AEBP2: variants seen among roughly 807,000 people sequenced by gnomAD.
AEBP2 encodes zinc finger protein AEBP2.
AEBP2 carries 10 observed loss-of-function variants against 50.8 expected under a neutral mutation model. The observed-to-expected ratio is 0.20, with a 90% CI of 0.12 to 0.33. The LOEUF is 0.33. Among genes scored for constraint, AEBP2 ranks in the 10% least tolerant of loss-of-function variants. The probability of loss-of-function intolerance (pLI) is 1.00; values close to 1 mark genes in which losing one functional copy is unlikely to be tolerated. For synonymous variants in AEBP2, 296 were observed against 261.3 expected, an observed-to-expected ratio of 1.13 and a Z score of -1.28; for missense variants, 570 against 688.0, an observed-to-expected ratio of 0.83 and a Z score of 1.92.
At chr12:19,440,521 T>TCGCCGC (rs947942618) in intron 1 of AEBP2, 151 bp downstream of exon 1, 2 of 1,381,308 alleles carry the variant, frequency 1.4e-6, no homozygotes, top group African/African-American at 1.5e-5. Flanking sequence ...TCTCTCGCCG[T>TCGCCGC]CGCCGCCGCG....
chr12:19,460,216 C>G (rs1948347908), intron 1 of AEBP2, among the ~76,000 whole-genome samples: 1 of 152,064 alleles, frequency 6.6e-6, no homozygotes, highest in Non-Finnish European at 1.5e-5. Context: ...TCTTAACATC[C>G]CCCCACCCCT....
At chr12:19,515,691 T>A (rs946299731) in intron 7 of AEBP2, among the ~76,000 whole-genome samples, 1 of 152,232 alleles carries the variant, frequency 6.6e-6, no homozygotes, top group African/African-American at 2.4e-5. Flanking sequence ...ACGATGCACC[T>A]TTTTGGAGTG....
chr12:19,507,250 T>C (rs886284931), intron 5 of AEBP2, among the ~76,000 whole-genome samples: 1 of 152,182 alleles, frequency 6.6e-6, no homozygotes, highest in African/African-American at 2.4e-5. Context: ...AATGGTGGTC[T>C]AGTAATGAGC....
chr12:19,515,634 T>C (rs1949306616), intron 7 of AEBP2, among the ~76,000 whole-genome samples: 1 of 152,210 alleles, frequency 6.6e-6, no homozygotes, highest in African/African-American at 2.4e-5. Flanking sequence ...ATCATAAAGA[T>C]AGCAAATTTT....
chr12:19,471,985 A>G (rs755877902), intron 2 of AEBP2, among the ~76,000 whole-genome samples: 8 of 152,212 alleles, frequency 5.3e-5, no homozygotes, highest in Non-Finnish European at 1.0e-4. Flanking sequence ...CCTTTATCTC[A>G]TACTTAAAGA....
At chr12:19,478,883 C>T (rs12816342) in intron 3 of AEBP2, among the ~76,000 whole-genome samples, 13,701 of 151,940 alleles carry the variant, frequency 0.09, 704 homozygotes, top group Middle Eastern at 0.15. Flanking sequence ...TGTTTTGTGA[C>T]CTATCATATG....
rs1408956151 is a variant in AEBP2 at position 19,442,163 on chromosome 12, C to T, written c.671+1793C>T. ...TGGCTCAGGCCTGTTAACCCCAGGACTTTGGGAGGCCGAGGTGGGCGGATC... is the reference window on the plus strand; with the variant it reads ...TGGCTCAGGCCTGTTAACCCCAGGATTTTGGGAGGCCGAGGTGGGCGGATC... On this transcript the variant is annotated intron_variant, in intron 1 of 7. Transcript: ENST00000266508. Among the ~76,000 whole-genome samples, 4 of 152,260 alleles carry T rather than the reference C, an allele frequency of 2.6e-5. No homozygotes were observed. The East Asian group carries it at 7.7e-4, about 29-fold the overall frequency.
chr12:19,413,151 A>G lies in AEBP2; in HGVS notation c.-17+8935A>G, dbSNP rs2095740384. 3.7e-5 allele frequency: 27 copies of G among 734,210 alleles called. 1 individual carries two copies. Among genetic ancestry groups the G allele is most frequent in the South Asian group, 3.3e-4 (24 of 71,856 alleles). 45.5% of individuals were successfully genotyped at this position (734,210 alleles called of 1,614,324 possible). A position where few individuals can be genotyped will look rare whatever the true frequency, so the allele number is the denominator to read the frequency against. On this transcript the variant is annotated intron_variant, in intron 1 of 3. Transcript: ENST00000538425. ...TTGTTCTGACCCAAGTTTAGCCGAC[A>G]GGATCCTGGCGATGCAGCCCAACAG...
intron 5 of AEBP2, among the ~76,000 whole-genome samples, chr12:19,509,653 G>A (rs1016874792): frequency 4.6e-5 from 7 of 151,974 alleles, no homozygotes; most frequent in Non-Finnish European, 1.0e-4. Flanking sequence ...AGGCCAAGGC[G>A]GGAAGAATAC....
chr12:19,497,715 G>A (rs1013710903), intron 4 of AEBP2, among the ~76,000 whole-genome samples: 8 of 151,936 alleles, frequency 5.3e-5, no homozygotes, highest in Non-Finnish European at 8.8e-5. Flanking sequence ...CAAGTGATCC[G>A]CCTCCTGCCT....
chr12:19,489,045 T>G (rs965671872), intron 3 of AEBP2, among the ~76,000 whole-genome samples: 1 of 152,148 alleles, frequency 6.6e-6, no homozygotes, highest in Admixed American at 6.5e-5. Context: ...TGCCTCGGCC[T>G]GCCAGAGTGC....
chr12:19,517,170 T>TAGA (rs1162281234), intron 7 of AEBP2, among the ~76,000 whole-genome samples: 8 of 152,342 alleles, frequency 5.3e-5, no homozygotes, highest in South Asian at 2.1e-4. Flanking sequence ...AATCTTTTCT[T>TAGA]AAATTTCTGG....
intron 5 of AEBP2, among the ~76,000 whole-genome samples, chr12:19,506,680 T>C (rs964589018): frequency 1.3e-5 from 2 of 152,196 alleles, no homozygotes; most frequent in Admixed American, 6.5e-5. Context: ...CTTTGGTTTC[T>C]GTGTTGAGAA....
chr12:19,478,842 A>G (rs7959593), intron 3 of AEBP2, among the ~76,000 whole-genome samples: 63,187 of 151,892 alleles, frequency 0.42, 14,558 homozygotes, highest in Non-Finnish European at 0.54. Context: ...ACTTGATATA[A>G]TTTAGATTTT....
In AEBP2 at chr12:19,440,202, AGGGCGGCGGCGG is replaced by A. The variant is rs1228564413; in HGVS notation, c.511_522del (p.Gly171_Gly174del). 12 of 1,436,372 alleles carry A rather than the reference AGGGCGGCGGCGG, an allele frequency of 8.4e-6. No individual in the cohort carries two copies. In the East Asian group the frequency reaches 2.2e-4, roughly 26 times the overall value. The allele number at this position is 1,436,372 out of a possible 1,614,324, so 89.0% of individuals were successfully genotyped here. On this transcript the variant is annotated inframe_deletion, in exon 1 of 8. Coordinates refer to ENST00000266508, the MANE Select transcript of AEBP2 (RefSeq NM_153207.5). Reference sequence around the variant, plus strand: ...GAGCCCAAGGGACCGCGGGGCAGCCAGGGCGGCGGCGGGGGCGGCAGCAGTAGCAGCAGCGTA... The same window carrying A: ...GAGCCCAAGGGACCGCGGGGCAGCCAGGGCGGCAGCAGTAGCAGCAGCGTA...
intron 7 of AEBP2, among the ~76,000 whole-genome samples, 187 bp downstream of exon 7, chr12:19,514,971 A>T (rs965260384): frequency 4.6e-5 from 7 of 152,098 alleles, no homozygotes; most frequent in African/African-American, 1.7e-4. Context: ...CCAGAAAAAC[A>T]GTATTTTGCT....
intron 1 of AEBP2, among the ~76,000 whole-genome samples, chr12:19,426,808 G>T (rs2095748774): frequency 6.6e-6 from 1 of 152,126 alleles, no homozygotes; most frequent in African/African-American, 2.4e-5. Context: ...GGCTGAGGCA[G>T]GAGAATCGCT....
chr12:19,496,677 T>C lies in AEBP2; in HGVS notation c.1174+2691T>C, dbSNP rs559105978. Among the ~76,000 whole-genome samples the C allele has an allele frequency of 3.3e-5, 5 of 151,580 alleles. No homozygotes were observed. The East Asian group carries it at 5.8e-4, about 18-fold the overall frequency. ...TTTTTTTTTAACCTTTTTTTTTTTTTCTGAGACAGGGTCTCTCTCTGTCAC... is the reference window on the plus strand; with the variant it reads ...TTTTTTTTTAACCTTTTTTTTTTTTCCTGAGACAGGGTCTCTCTCTGTCAC... On this transcript the variant is annotated intron_variant, in intron 4 of 7. Transcript: ENST00000266508.
intron 4 of AEBP2, among the ~76,000 whole-genome samples, chr12:19,497,639 A>G (rs1565731838): frequency 1.3e-5 from 2 of 151,920 alleles, no homozygotes; most frequent in African/African-American, 4.8e-5. Flanking sequence ...TGCCGGGCTA[A>G]TTTTTGTATT....
Sources: gnomAD v4.1 joint callset for allele counts (sites outside exome capture counted in the v4.1 genomes callset) on GRCh38, gnomAD v4.1.1 for gene constraint, MANE v1.5 for transcripts, NCBI Gene and HGNC (gene_info 2026-07-23, HGNC 2026-07-21) for gene names.